The following WDPCP variants were observed in gnomAD, a reference collection of about 807,000 sequenced individuals.
The protein encoded by WDPCP is WD repeat containing planar cell polarity effector.
In WDPCP, 71 loss-of-function variants were observed where a neutral mutation model predicts 93.1. The ratio of observed to expected loss-of-function variants is 0.76; its 90% CI spans 0.63 to 0.93. The LOEUF (loss-of-function observed/expected upper bound fraction) is 0.93. Ranked by LOEUF, WDPCP falls within the 40% of genes least tolerant of loss-of-function variation. The pLI, the probability that WDPCP is intolerant of heterozygous loss-of-function variation, is 0.00. For synonymous variants in WDPCP, 315 were observed against 315.0 expected (o/e 1.00, Z 0.00); for missense variants, 844 against 887.4 (o/e 0.95, Z 0.62).
chr2:63,503,714 T>C, intron 1 of WDPCP, among the ~76,000 whole-genome samples: 1 of 151,900 alleles, frequency 6.6e-6, no homozygotes, highest in East Asian at 1.9e-4. Flanking sequence ...CTTGAATAAA[T>C]TGAAAAAACG....
At chr2:63,214,425 C>T (rs907949230) in intron 14 of WDPCP, among the ~76,000 whole-genome samples, 1 of 152,188 alleles carries the variant, frequency 6.6e-6, no homozygotes, top group African/African-American at 2.4e-5. Context: ...TTCAACAGTG[C>T]TTCACGCTAA....
chr2:63,180,014 T>C (rs1490697745), intron 14 of WDPCP, among the ~76,000 whole-genome samples: 2 of 152,166 alleles, frequency 1.3e-5, no homozygotes, highest in East Asian at 1.9e-4. Flanking sequence ...CTGTTCTTTA[T>C]ATAGACCTGG....
At chr2:63,311,413 T>C (rs1444477476) in intron 13 of WDPCP, among the ~76,000 whole-genome samples, 3 of 152,174 alleles carry the variant, frequency 2.0e-5, no homozygotes, top group South Asian at 2.1e-4. Flanking sequence ...TAAATGTATA[T>C]AGTAGATTCA....
At chr2:63,685,202 A>G (rs2168275) in intron 2 of WDPCP, among the ~76,000 whole-genome samples, 63,163 of 151,952 alleles carry the variant, frequency 0.42, 14,449 homozygotes, top group African/African-American at 0.6. Flanking sequence ...CAAAATTGAC[A>G]AACCCTTAGG....
chr2:63,656,653 C>A (rs1019382725), intron 2 of WDPCP, among the ~76,000 whole-genome samples: 1 of 152,220 alleles, frequency 6.6e-6, no homozygotes, highest in Non-Finnish European at 1.5e-5. Context: ...GCATCAAAAA[C>A]AATGTCCTGA....
chr2:63,269,258 A>T (rs2104844264), intron 13 of WDPCP, among the ~76,000 whole-genome samples: 1 of 152,346 alleles, frequency 6.6e-6, no homozygotes, highest in East Asian at 1.9e-4. Flanking sequence ...AATGAATACC[A>T]CTTAGTTTCT....
chr2:63,752,448 T>G, intron 2 of WDPCP: 1 of 771,876 alleles, frequency 1.3e-6, no homozygotes. Flanking sequence ...TCCTCCATAG[T>G]GGCATAGGTG....
chr2:63,736,749 A>G (rs1043683011), intron 2 of WDPCP, among the ~76,000 whole-genome samples: 2 of 152,032 alleles, frequency 1.3e-5, no homozygotes, highest in African/African-American at 4.8e-5. Context: ...GATGTTTTGA[A>G]AGAGAAAAAA....
chr2:63,217,170 T>C (rs1324692509), intron 14 of WDPCP, among the ~76,000 whole-genome samples: 1 of 152,220 alleles, frequency 6.6e-6, no homozygotes, highest in Non-Finnish European at 1.5e-5. Flanking sequence ...TTTTACTTTT[T>C]AATGGTTGGA....
At chr2:63,374,723 G>A (rs963874135) in intron 12 of WDPCP, among the ~76,000 whole-genome samples, 97 of 151,864 alleles carry the variant, frequency 6.4e-4, no homozygotes, top group African/African-American at 2.0e-3. Context: ...TATATTATCC[G>A]CAACATCTTA....
At chr2:63,139,638 A>G (rs1476221738) in intron 17 of WDPCP, among the ~76,000 whole-genome samples, 3 of 152,096 alleles carry the variant, frequency 2.0e-5, no homozygotes, top group Admixed American at 6.5e-5. Flanking sequence ...TTGTCCATTC[A>G]TGTCCTTAGC....
In WDPCP at chr2:63,588,423, G is replaced by C. The variant is rs1209285588; in HGVS notation, c.-152C>G. The C allele has an allele frequency of 1.2e-6, 1 of 859,370 alleles. No individual in the cohort carries two copies. The highest frequency in any genetic ancestry group is 2.0e-5 in the Admixed American group (1 of 49,558). The allele number at this position is 859,370 out of a possible 1,614,324, so 53.2% of individuals were successfully genotyped here. A position where few individuals can be genotyped will look rare whatever the true frequency, so the allele number is the denominator to read the frequency against. ...TACAAAGCAGCCAGGGTGTGCGTGCGCTCCCGCCTCGTCGCTTAGCAACCT... is the reference window on the plus strand; with the variant it reads ...TACAAAGCAGCCAGGGTGTGCGTGCCCTCCCGCCTCGTCGCTTAGCAACCT... On this transcript the variant is annotated 5_prime_UTR_variant, in exon 1 of 18. Coordinates refer to ENST00000272321, the MANE Select transcript of WDPCP (RefSeq NM_015910.7).
intron 15 of WDPCP, among the ~76,000 whole-genome samples, chr2:63,156,051 G>A (rs1672224393): frequency 6.6e-6 from 1 of 152,110 alleles, no homozygotes; most frequent in South Asian, 2.1e-4. Flanking sequence ...TCAGACTGGA[G>A]AGCAGTGGCG....
intron 6 of WDPCP, among the ~76,000 whole-genome samples, chr2:63,445,983 G>A (rs1697835608): frequency 6.6e-6 from 1 of 152,060 alleles, no homozygotes; most frequent in African/African-American, 2.4e-5. Flanking sequence ...TTAATCAAAG[G>A]TCTCATAATT....
chr2:63,243,889 C>T (rs995679951), intron 14 of WDPCP, among the ~76,000 whole-genome samples: 5 of 152,132 alleles, frequency 3.3e-5, no homozygotes, highest in African/African-American at 1.2e-4. Context: ...CTACAGAATG[C>T]TCCATGCAAC....
intron 12 of WDPCP, among the ~76,000 whole-genome samples, chr2:63,320,707 C>A (rs1359672566): frequency 6.6e-6 from 1 of 151,168 alleles, no homozygotes; most frequent in Admixed American, 6.6e-5. Flanking sequence ...ACTGAAAAAG[C>A]AAATAAATAA....
At chr2:63,283,061 C>T (rs954789998) in intron 13 of WDPCP, among the ~76,000 whole-genome samples, 29 of 152,006 alleles carry the variant, frequency 1.9e-4, no homozygotes, top group African/African-American at 6.5e-4. Flanking sequence ...TGGTGGAATC[C>T]ATGGATGGGG....
At chr2:63,347,598 T>C (rs1414495216) in intron 12 of WDPCP, among the ~76,000 whole-genome samples, 1 of 152,132 alleles carries the variant, frequency 6.6e-6, no homozygotes, top group Non-Finnish European at 1.5e-5. Flanking sequence ...GGTTCTTTGG[T>C]TTTCAGAATT....
chr2:63,823,297 G>C (rs1407654922), intron 1 of WDPCP, among the ~76,000 whole-genome samples: 2 of 151,648 alleles, frequency 1.3e-5, no homozygotes, highest in African/African-American at 4.8e-5. Flanking sequence ...CATGAGATCA[G>C]GAGTTCAAGA....
Sources: gnomAD v4.1 joint callset for allele counts (sites outside exome capture counted in the v4.1 genomes callset) on GRCh38, gnomAD v4.1.1 for gene constraint, MANE v1.5 for transcripts, NCBI Gene and HGNC (gene_info 2026-07-23, HGNC 2026-07-21) for gene names.